Variants in CPAMD8 observed in about 807,000 individuals in gnomAD.
CPAMD8 encodes C3 and PZP-like alpha-2-macroglobulin domain-containing protein 8.
In CPAMD8, 146 loss-of-function variants were observed where a neutral mutation model predicts 224.7. The ratio of observed to expected loss-of-function variants is 0.65; its 90% CI spans 0.57 to 0.75. The LOEUF (loss-of-function observed/expected upper bound fraction) is 0.75. Ranked by LOEUF, CPAMD8 falls within the 30% of genes least tolerant of loss-of-function variation. The pLI, the probability that CPAMD8 is intolerant of heterozygous loss-of-function variation, is 0.00. For synonymous variants in CPAMD8, 966 were observed against 1,044.6 expected (o/e 0.92, Z 1.45); for missense variants, 2,301 against 2,537.5 (o/e 0.91, Z 2.00).
At chr19:16,950,747 T>G (rs1041379134) in intron 20 of CPAMD8, among the ~76,000 whole-genome samples, 3 of 147,008 alleles carry the variant, frequency 2.0e-5, no homozygotes, top group African/African-American at 7.7e-5. Flanking sequence ...GAGCTGTGAT[T>G]GTACCAGTGC....
rs373100801 is a variant in CPAMD8 at position 16,928,090 on chromosome 19, C to T, written c.3289G>A (p.Glu1097Lys). The T allele has an allele frequency of 4.6e-5, 74 of 1,613,912 alleles. No homozygotes were observed. Among genetic ancestry groups the T allele is most frequent in the Admixed American group, 3.7e-4 (22 of 60,010 alleles). Reference sequence around the variant, plus strand: ...AGGGTGAAGGCCTCGCTGTAGCTCTCGTCCACCTCCATCTTCCTCCAGATT... The same window carrying T: ...AGGGTGAAGGCCTCGCTGTAGCTCTTGTCCACCTCCATCTTCCTCCAGATT... Reference protein sequence around the residue: ...FRIWRKMEVDESYSEAFTLGV... With the variant: ...FRIWRKMEVDKSYSEAFTLGV... Residue 1097 changes from glutamate to lysine, a missense_variant, in exon 25 of 42, where the codon GAG becomes AAG. Physicochemically the swap from Glu to Lys is moderately conservative, Grantham distance 56. Around this residue, in one of 4 missense-constraint regions of CPAMD8, gnomAD observed 1,709 missense variants for 1,753.2 expected, o/e 0.97. Coordinates refer to ENST00000443236, the MANE Select transcript of CPAMD8 (RefSeq NM_015692.5).
At chr19:16,984,313 CAAAAAAA>C (rs34428169) in intron 13 of CPAMD8, among the ~76,000 whole-genome samples, 1 of 85,236 alleles carries the variant, frequency 1.2e-5, no homozygotes, top group Non-Finnish European at 2.4e-5. Context: ...GGTCCTATCT[CAAAAAAA>C]AAAAAAAAAA....
At chr19:16,907,660 T>C (rs1022027202) in intron 29 of CPAMD8, 1 of 148,896 alleles carries the variant, frequency 6.7e-6, no homozygotes, top group African/African-American at 2.5e-5. Flanking sequence ...CAGGCTGGAG[T>C]GCAGTGGCAC....
At chr19:16,906,052 G>T (rs148865396) in intron 30 of CPAMD8, among the ~76,000 whole-genome samples, 5 of 152,120 alleles carry the variant, frequency 3.3e-5, no homozygotes, top group African/African-American at 1.2e-4. Flanking sequence ...CGGGGGATGC[G>T]TTCTCTGCTG....
At chr19:16,945,199 GC>G (rs1355421501) in intron 22 of CPAMD8, among the ~76,000 whole-genome samples, 35 of 152,150 alleles carry the variant, frequency 2.3e-4, no homozygotes, top group Admixed American at 2.0e-3. Flanking sequence ...CAATGACAAT[GC>G]CCCAAATGCT....
At chr19:16,976,757 AG>A (rs1389675359) in intron 15 of CPAMD8, among the ~76,000 whole-genome samples, 2 of 151,886 alleles carry the variant, frequency 1.3e-5, no homozygotes, top group Non-Finnish European at 2.9e-5. Context: ...AGTTGCAGGG[AG>A]GAGCCAGGCG....
chr19:17,011,848 G>A, intron 3 of CPAMD8, 91 bp from the exon 4 acceptor site: 1 of 1,425,568 alleles, frequency 7.0e-7, no homozygotes. Flanking sequence ...GGAACAGGGG[G>A]AACTCACCCC....
At chr19:16,893,368 C>A (rs1453384203) in intron 41 of CPAMD8, 29 bp from the exon 42 acceptor site, 2 of 1,438,870 alleles carry the variant, frequency 1.4e-6, no homozygotes, top group Admixed American at 2.1e-5. Context: ...CTTACAACAT[C>A]CTCTACAGCA....
chr19:16,979,604 G>GTCCATCCATCCA, intron 14 of CPAMD8, among the ~76,000 whole-genome samples: 1 of 149,448 alleles, frequency 6.7e-6, no homozygotes, highest in African/African-American at 2.5e-5. Flanking sequence ...TGTTCTATCA[G>GTCCATCCATCCA]TCCATCCATC....
intron 2 of CPAMD8, among the ~76,000 whole-genome samples, chr19:17,021,244 G>A (rs1249094477): frequency 6.6e-6 from 1 of 152,184 alleles, no homozygotes; most frequent in African/African-American, 2.4e-5. Context: ...TTTCTTTCTA[G>A]GTATGAGAGA....
intron 20 of CPAMD8, among the ~76,000 whole-genome samples, chr19:16,950,890 C>G (rs1019267070): frequency 1.4e-4 from 21 of 151,830 alleles, no homozygotes; most frequent in African/African-American, 4.8e-4. Flanking sequence ...CTGATGACAC[C>G]TTGCCTTCAC....
intron 17 of CPAMD8, among the ~76,000 whole-genome samples, chr19:16,973,827 CTTTT>C (rs559363114): frequency 2.2e-3 from 266 of 118,276 alleles, no homozygotes; most frequent in African/African-American, 7.0e-3. Context: ...AGCATTAGCC[CTTTT>C]TTTTTTTTTT....
chr19:16,901,143 TGG>T, intron 36 of CPAMD8, 65 bp downstream of exon 36: 2 of 1,089,054 alleles, frequency 1.8e-6, no homozygotes, highest in South Asian at 1.4e-5. Flanking sequence ...AGCCTGACCC[TGG>T]GTGCCTAAGC....
chr19:16,894,544 C>T lies in CPAMD8; in HGVS notation c.5427-1205G>A, dbSNP rs184020604. ...CCACGGGGCTCAGGCCAGCTGCCACCTCCTCATTTAGATGGCAGAACCCCA... is the reference window on the plus strand; with the variant it reads ...CCACGGGGCTCAGGCCAGCTGCCACTTCCTCATTTAGATGGCAGAACCCCA... On this transcript the variant is annotated intron_variant, in intron 41 of 41. Coordinates refer to ENST00000443236, the MANE Select transcript of CPAMD8 (RefSeq NM_015692.5). The T allele has an allele frequency of 1.4e-3, 622 of 448,148 alleles. 3 individuals carry two copies. Among genetic ancestry groups the T allele is most frequent in the African/African-American group, 0.012 (593 of 50,040 alleles). The allele number at this position is 448,148 out of a possible 1,614,324, so 27.8% of individuals were successfully genotyped here. A position where few individuals can be genotyped will look rare whatever the true frequency, so the allele number is the denominator to read the frequency against.
chr19:16,986,684 G>C (rs2055732823), intron 13 of CPAMD8, among the ~76,000 whole-genome samples: 1 of 152,004 alleles, frequency 6.6e-6, no homozygotes, highest in Non-Finnish European at 1.5e-5. Flanking sequence ...TTATGGGCTG[G>C]TAGGGCCCTG....
chr19:17,016,388 T>C (rs2056812430), intron 3 of CPAMD8, among the ~76,000 whole-genome samples: 2 of 152,098 alleles, frequency 1.3e-5, no homozygotes, highest in South Asian at 2.1e-4. Flanking sequence ...CTGTGAAGAG[T>C]GTCTTCTAAC....
At chr19:16,893,845 G>C (rs1302426398) in intron 41 of CPAMD8, 1 of 158,392 alleles carries the variant, frequency 6.3e-6, no homozygotes, top group Non-Finnish European at 1.4e-5. Flanking sequence ...GTCCCCGGGG[G>C]GCGAAGGCAG....
At position 17,011,661 on chromosome 19, in the gene CPAMD8, T is replaced by A; in HGVS notation, c.364A>T (p.Thr122Ser). The A allele has an allele frequency of 6.2e-7, 1 of 1,614,028 alleles. No individual in the cohort carries two copies. The highest frequency in any genetic ancestry group is 8.5e-7 in the Non-Finnish European group (1 of 1,180,006). Residue 122 changes from threonine (T) to serine (S), a missense_variant, in exon 4 of 42, where the codon ACC becomes TCC. Physicochemically the swap from Thr to Ser is moderately conservative, Grantham distance 58. Transcript: ENST00000443236. ...GPLFHNQTSVTVDGRGASVFI... is the reference protein window; with the variant it reads ...GPLFHNQTSVSVDGRGASVFI... The stretch of plus-strand genomic sequence containing the variant: ...ACAGAAGCGCCCCGGCCGTCCACGG[T>A]CACCGAGGTCTGGTTGTGAAAGAGG...
chr19:16,973,284 A>G (rs1896615955), intron 17 of CPAMD8, among the ~76,000 whole-genome samples: 1 of 152,186 alleles, frequency 6.6e-6, no homozygotes. Context: ...ACTTTTCTGC[A>G]TGTTTGGAAA....
Sources: gnomAD v4.1 joint callset for allele counts (sites outside exome capture counted in the v4.1 genomes callset) on GRCh38, gnomAD v4.1.1 for gene constraint, gnomAD v4.1.1 regional missense constraint, MANE v1.5 for transcripts, NCBI Gene and HGNC (gene_info 2026-07-23, HGNC 2026-07-21) for gene names.